EIF4ENIF1: variants seen among roughly 807,000 people sequenced by gnomAD.
The protein encoded by EIF4ENIF1 is eukaryotic translation initiation factor 4E transporter.
EIF4ENIF1 carries 23 observed loss-of-function variants against 110.5 expected under a neutral mutation model. The observed-to-expected ratio is 0.21, with a 90% confidence interval of 0.15 to 0.29. The LOEUF is 0.29. Ranked by LOEUF, EIF4ENIF1 falls within the 10% of genes least tolerant of loss-of-function variation. EIF4ENIF1 has a pLI of 1.00. For synonymous variants in EIF4ENIF1, 440 were observed against 437.0 expected, an observed-to-expected ratio of 1.01 and a Z score of -0.09; for missense variants, 1,031 against 1,221.1, an observed-to-expected ratio of 0.84 and a Z score of 2.32.
At chr22:31,445,539 C>G (rs2050436007) in intron 14 of EIF4ENIF1, among the ~76,000 whole-genome samples, 1 of 152,124 alleles carries the variant, frequency 6.6e-6, no homozygotes, top group Non-Finnish European at 1.5e-5. Context: ...AAAAAATGAA[C>G]CCCAAACTTG....
At chr22:31,485,880 C>CCTA (rs1202316089) in intron 2 of EIF4ENIF1, among the ~76,000 whole-genome samples, 3 of 152,088 alleles carry the variant, frequency 2.0e-5, no homozygotes, top group Non-Finnish European at 4.4e-5. Context: ...CTTTGGGAGG[C>CCTA]CTAGGTGGGT....
At chr22:31,470,326 G>C (rs929481085) in intron 3 of EIF4ENIF1, among the ~76,000 whole-genome samples, 1 of 151,702 alleles carries the variant, frequency 6.6e-6, no homozygotes, top group African/African-American at 2.4e-5. Flanking sequence ...TGTTGCCCAG[G>C]CTGCAGTGCA....
intron 2 of EIF4ENIF1, among the ~76,000 whole-genome samples, chr22:31,484,880 A>G (rs2051960561): frequency 6.6e-6 from 1 of 152,222 alleles, no homozygotes; most frequent in Admixed American, 6.5e-5. Context: ...TAGATCTTCT[A>G]GCCCGTGAAC....
chr22:31,450,896 A>C (rs76781291), intron 10 of EIF4ENIF1: 1,905 of 115,374 alleles, frequency 0.017, 32 homozygotes, highest in African/African-American at 0.053. Flanking sequence ...CACACACACA[A>C]AAGAGACAGG....
At chr22:31,454,067 A>G in intron 10 of EIF4ENIF1, 77 bp downstream of exon 10, 1 of 1,355,358 alleles carries the variant, frequency 7.4e-7, no homozygotes, top group Non-Finnish European at 1.0e-6. Context: ...ATACCTTTTT[A>G]AAAATCCTTT....
rs1569058475 is a variant in EIF4ENIF1 at position 31,439,991 on chromosome 22, G to A, written c.2847C>T (p.Ser949=). The change falls in exon 19 of 19, where the codon AGC becomes AGT. Residue 949 remains serine (S), a synonymous_variant. Transcript: ENST00000330125. The stretch of plus-strand genomic sequence containing the variant: ...ATTTGGCAAGGCCCACAGGGGAGCT[G>A]CTCCTCTGGCTGGGGCGATGCTCCA... ...SQLEHRPSQR[S]SSPVGLAKWF... is the part of the protein sequence containing the mutation. 3 of 1,614,050 alleles carry A rather than the reference G, an allele frequency of 1.9e-6. No individual in the cohort carries two copies. Among genetic ancestry groups the A allele is most frequent in the East Asian group, 4.5e-5 (2 of 44,884 alleles).
chr22:31,444,622 G>A lies in EIF4ENIF1; in HGVS notation c.2057C>T (p.Ala686Val). ...GTCACTGACCATGCTTGTGATGGAG[G>A]CAGCAGGGGCAGGGGAAGAGGAATT... is the stretch of plus-strand genomic sequence containing the variant. Reference protein sequence around the residue: ...RGNSSSPAPAASITSMLSPSF... With the variant: ...RGNSSSPAPAVSITSMLSPSF... Residue 686 changes from alanine to valine, a missense_variant, in exon 15 of 19, where the codon GCC (alanine) becomes GTC (valine). Physicochemically the swap from Ala to Val is moderately conservative, Grantham distance 64. This residue lies in a region of EIF4ENIF1 where 704 missense variants were observed against 879.7 expected (regional missense o/e 0.80). Transcript: ENST00000330125. 2.2e-5 allele frequency: 36 copies of A among 1,614,104 alleles called. No homozygotes were observed. The highest frequency in any genetic ancestry group is 2.9e-5 in the Non-Finnish European group (34 of 1,179,978).
intron 15 of EIF4ENIF1, 88 bp from the exon 16 acceptor site, chr22:31,443,182 A>C (rs2050357824): frequency 6.5e-7 from 1 of 1,538,284 alleles, no homozygotes; most frequent in Admixed American, 1.9e-5. Context: ...GATACTCAAC[A>C]AAGAGTCCCC....
chr22:31,469,918 C>T (rs1436084960), intron 3 of EIF4ENIF1, among the ~76,000 whole-genome samples: 4 of 152,024 alleles, frequency 2.6e-5, no homozygotes, highest in Non-Finnish European at 5.9e-5. Flanking sequence ...AATCCCAGCA[C>T]TTTGGGAGGC....
In EIF4ENIF1 at chr22:31,464,713, T is replaced by A. The variant is rs1297115197; in HGVS notation, c.299-746A>T. Among the ~76,000 whole-genome samples, 152 of 85,204 alleles carry A rather than the reference T, an allele frequency of 1.8e-3. 1 individual carries two copies. The highest frequency in any genetic ancestry group is 7.1e-3 in the Middle Eastern group (1 of 140). The allele number at this position is 85,204 out of a possible 152,430, so 55.9% of individuals were successfully genotyped here. A position where few individuals can be genotyped will look rare whatever the true frequency, so the allele number is the denominator to read the frequency against. On this transcript the variant is annotated intron_variant, in intron 4 of 18. Coordinates refer to ENST00000330125, the MANE Select transcript of EIF4ENIF1 (RefSeq NM_019843.4). Reference sequence around the variant, plus strand: ...AAAAAAAAAAAAATATATATATATATATATATATATATAAACAGATATATA... The same window carrying A: ...AAAAAAAAAAAAATATATATATATAAATATATATATATAAACAGATATATA...
intron 5 of EIF4ENIF1, 139 bp downstream of exon 5, chr22:31,463,542 T>A: frequency 3.7e-6 from 3 of 817,826 alleles, no homozygotes; most frequent in Non-Finnish European, 5.5e-6. Flanking sequence ...GTTAGCCGGG[T>A]ATGGTGGTGC....
chr22:31,470,164 CAAAA>C (rs61046632), intron 3 of EIF4ENIF1, among the ~76,000 whole-genome samples: 2 of 98,424 alleles, frequency 2.0e-5, no homozygotes, highest in Non-Finnish European at 2.0e-5. Context: ...AACTCCACCT[CAAAA>C]AAAAAAAAAA....
chr22:31,438,143 C>T (rs2050200770), downstream of EIF4ENIF1, among the ~76,000 whole-genome samples: 1 of 152,150 alleles, frequency 6.6e-6, no homozygotes, highest in African/African-American at 2.4e-5. Flanking sequence ...TTGACCTTTA[C>T]CTCATTATCT....
chr22:31,456,966 C>CA (rs1360981093), intron 7 of EIF4ENIF1, among the ~76,000 whole-genome samples: 30 of 152,182 alleles, frequency 2.0e-4, no homozygotes, highest in Non-Finnish European at 1.5e-5. Context: ...GAGTGACCTT[C>CA]AACTAAATAT....
intron 7 of EIF4ENIF1, among the ~76,000 whole-genome samples, chr22:31,457,394 T>C (rs556207198): frequency 2.4e-4 from 37 of 152,334 alleles, no homozygotes; most frequent in African/African-American, 6.0e-4. Flanking sequence ...AATATCCAAA[T>C]TGATTTTTTG....
At position 31,442,127 on chromosome 22, in the gene EIF4ENIF1, A is replaced by G; in HGVS notation, c.2207-9T>C. ...GGATGACAGGAGGTTTTCTGTGAGG[A>G]ACCAAACAAAAAATATTTTGGCAAA... On this transcript the variant is annotated splice_polypyrimidine_tract_variant and intron_variant, in intron 16 of 18. Coordinates refer to ENST00000330125, the MANE Select transcript of EIF4ENIF1 (RefSeq NM_019843.4). The G allele has an allele frequency of 6.3e-7, 1 of 1,586,892 alleles. No homozygotes were observed. The highest frequency in any genetic ancestry group is 8.6e-7 in the Non-Finnish European group (1 of 1,163,802).
At chr22:31,457,062 G>C (rs1436816182) in intron 7 of EIF4ENIF1, among the ~76,000 whole-genome samples, 1 of 152,162 alleles carries the variant, frequency 6.6e-6, no homozygotes, top group Non-Finnish European at 1.5e-5. Context: ...ATTCAATCTT[G>C]AGAGTTTCAG....
rs541255413 is a variant in EIF4ENIF1, at chr22:31,445,953, G to GCCC, written c.1989-1266_1989-1264dup. Among the ~76,000 whole-genome samples, 215 of 97,378 alleles carry GCCC rather than the reference G, an allele frequency of 2.2e-3. 7 individuals carry two copies. Among genetic ancestry groups the GCCC allele is most frequent in the East Asian group, 0.019 (44 of 2,296 alleles). 63.9% of individuals were successfully genotyped at this position (97,378 alleles called of 152,430 possible). A position where few individuals can be genotyped will look rare whatever the true frequency, so the allele number is the denominator to read the frequency against. On this transcript the variant is annotated intron_variant, in intron 14 of 18. Coordinates refer to ENST00000330125, the MANE Select transcript of EIF4ENIF1 (RefSeq NM_019843.4). ...TATCTGTAAAATGCAGTTACGTACC[G>GCCC]CCCCCCCCCCCCATCTACCTCACAG...
At chr22:31,464,726 A>ATATATAT (rs796108181) in intron 4 of EIF4ENIF1, among the ~76,000 whole-genome samples, 1 of 57,316 alleles carries the variant, frequency 1.7e-5, no homozygotes, top group Admixed American at 2.1e-4. Context: ...ATATATATAT[A>ATATATAT]AACAGATATA....
Sources: allele counts gnomAD v4.1 joint callset (sites outside exome capture counted in the v4.1 genomes callset), GRCh38; gene constraint gnomAD v4.1.1; regional missense constraint gnomAD v4.1.1; transcripts MANE v1.5; gene names NCBI Gene and HGNC (gene_info 2026-07-23, HGNC 2026-07-21).